Variants in CAMK1D observed in about 807,000 individuals in gnomAD.
CAMK1D encodes the protein calcium/calmodulin dependent protein kinase ID, also known as calcium/calmodulin-dependent protein kinase type 1D.
In CAMK1D, 9 loss-of-function variants were observed where a neutral mutation model predicts 47.7. That is an observed-to-expected ratio of 0.19 (90% CI 0.11 to 0.33). CAMK1D has a LOEUF of 0.33. Among genes scored for constraint, CAMK1D ranks in the 10% least tolerant of loss-of-function variants. The pLI is 1.00. For missense variants in CAMK1D, 291 were observed against 488.7 expected (o/e 0.60, Z 3.81); for synonymous variants, 184 against 184.9 (o/e 0.99, Z 0.04).
At chr10:12,460,676 C>T (rs1833396565) in intron 1 of CAMK1D, among the ~76,000 whole-genome samples, 1 of 152,176 alleles carries the variant, frequency 6.6e-6, no homozygotes, top group Admixed American at 6.6e-5. Context: ...GATCCACCCA[C>T]CTCGGCCTCC....
chr10:12,387,299 A>G (rs1375403380), intron 1 of CAMK1D, among the ~76,000 whole-genome samples: 1 of 144,588 alleles, frequency 6.9e-6, no homozygotes, highest in Non-Finnish European at 1.5e-5. Context: ...CTCACATTAT[A>G]TGTATAATAT....
At chr10:12,805,364 T>TTTC (rs1306620918) in intron 6 of CAMK1D, among the ~76,000 whole-genome samples, 1 of 130,122 alleles carries the variant, frequency 7.7e-6, no homozygotes, top group Non-Finnish European at 1.6e-5. Context: ...TATCTTTACA[T>TTTC]TTCTTTTTTT....
intron 2 of CAMK1D, among the ~76,000 whole-genome samples, chr10:12,565,005 T>G (rs1169567626): frequency 6.6e-6 from 1 of 152,174 alleles, no homozygotes; most frequent in East Asian, 1.9e-4. Context: ...GGCAAGGAGT[T>G]TAAGACCAGC....
intron 3 of CAMK1D, among the ~76,000 whole-genome samples, chr10:12,696,114 C>G (rs184555273): frequency 5.9e-5 from 9 of 151,900 alleles, no homozygotes; most frequent in Admixed American, 4.6e-4. Context: ...ATAAAATAAA[C>G]GAATATTATT....
Position 12,418,103 on chromosome 10 carries a change from G to A in CAMK1D, c.92+68193G>A, listed in dbSNP as rs377319944. Among the ~76,000 whole-genome samples the A allele has an allele frequency of 4.6e-5, 7 of 152,152 alleles. No homozygotes were observed. In the South Asian group the frequency reaches 6.2e-4, roughly 14 times the overall value. On this transcript the variant is annotated intron_variant, in intron 1 of 10. Transcript: ENST00000619168. ...AGAGTGAGCCACCACGCCTGGCCTC[G>A]ATGCTCTTTAAAAGAAGCCCTCGCC...
intron 1 of CAMK1D, among the ~76,000 whole-genome samples, chr10:12,420,186 C>G (rs1273509513): frequency 6.6e-5 from 10 of 152,308 alleles, no homozygotes; most frequent in Non-Finnish European, 1.5e-5. Context: ...TCTTGAACTC[C>G]TGACCTTGTG....
rs183591025 is a variant in CAMK1D, at chr10:12,726,592, G to A, written c.300-34356G>A. On this transcript the variant is annotated intron_variant, in intron 3 of 10. Coordinates refer to ENST00000619168, the MANE Select transcript of CAMK1D (RefSeq NM_153498.4). ...GAAGCCACGACCAGGACATGCCATCGTTGTTATTAGTAATTATTTTTATAC... is the reference window on the plus strand; with the variant it reads ...GAAGCCACGACCAGGACATGCCATCATTGTTATTAGTAATTATTTTTATAC... Among the ~76,000 whole-genome samples the A allele has an allele frequency of 1.2e-3, 178 of 152,264 alleles. 1 individual carries two copies. In the Middle Eastern group the frequency reaches 0.024, roughly 20 times the overall value.
At chr10:12,763,665 G>C (rs79754077) in intron 4 of CAMK1D, among the ~76,000 whole-genome samples, 3 of 152,124 alleles carry the variant, frequency 2.0e-5, no homozygotes, top group Non-Finnish European at 4.4e-5. Flanking sequence ...ATATCCATCC[G>C]CTGGGGGGCA....
chr10:12,608,687 T>C (rs1004705746), intron 2 of CAMK1D, among the ~76,000 whole-genome samples: 3 of 152,238 alleles, frequency 2.0e-5, no homozygotes, highest in African/African-American at 7.2e-5. Flanking sequence ...CAAGAACTTG[T>C]ATTGAATCTG....
chr10:12,552,421 C>G (rs971742999), intron 1 of CAMK1D, among the ~76,000 whole-genome samples: 5 of 152,206 alleles, frequency 3.3e-5, no homozygotes, highest in Admixed American at 2.0e-4. Context: ...CCAGTCCTAT[C>G]CTTACCCAGC....
chr10:12,443,178 G>A (rs372777556), intron 1 of CAMK1D, among the ~76,000 whole-genome samples: 74 of 152,164 alleles, frequency 4.9e-4, no homozygotes, highest in African/African-American at 1.6e-3. Flanking sequence ...AAACTGACTC[G>A]AGGAGGAAAG....
Position 12,785,802 on chromosome 10 carries a change from C to G in CAMK1D, c.566-5356C>G, listed in dbSNP as rs1217217804. Among the ~76,000 whole-genome samples the G allele has an allele frequency of 5.3e-5, 8 of 152,166 alleles. 1 individual carries two copies. In the South Asian group the frequency reaches 1.5e-3, roughly 28 times the overall value. On this transcript the variant is annotated intron_variant, in intron 5 of 10. Transcript: ENST00000619168. ...GAGTGAGAAGTGGACTCTCCCAGGG[C>G]TATGTACCTCACCACAGCTGAAACA...
At chr10:12,411,240 G>A (rs1839646021) in intron 1 of CAMK1D, among the ~76,000 whole-genome samples, 1 of 152,152 alleles carries the variant, frequency 6.6e-6, no homozygotes, top group Non-Finnish European at 1.5e-5. Flanking sequence ...ATAAGGCTTG[G>A]CAGAATGCGG....
intron 1 of CAMK1D, among the ~76,000 whole-genome samples, chr10:12,468,973 C>T (rs528956228): frequency 2.0e-5 from 3 of 152,202 alleles, no homozygotes; most frequent in South Asian, 2.1e-4. Flanking sequence ...ATCTCATCTG[C>T]CCTCAGCAGT....
chr10:12,664,192 A>G (rs887570703), intron 2 of CAMK1D, among the ~76,000 whole-genome samples: 2 of 152,210 alleles, frequency 1.3e-5, no homozygotes, highest in African/African-American at 4.8e-5. Flanking sequence ...CTCTGCCTAG[A>G]TGATAAGCTT....
chr10:12,363,669 T>G (rs1433469065), intron 1 of CAMK1D, among the ~76,000 whole-genome samples: 5 of 150,704 alleles, frequency 3.3e-5, no homozygotes, highest in African/African-American at 1.2e-4. Context: ...CCTAAGGTTT[T>G]TTTTTTTTTT....
intron 3 of CAMK1D, among the ~76,000 whole-genome samples, chr10:12,695,512 G>A (rs548493158): frequency 2.2e-4 from 33 of 152,272 alleles, no homozygotes; most frequent in Admixed American, 9.2e-4. Context: ...TAGAACAAGC[G>A]CATGATGATG....
At chr10:12,755,655 C>T (rs1387483306) in intron 3 of CAMK1D, among the ~76,000 whole-genome samples, 1 of 152,164 alleles carries the variant, frequency 6.6e-6, no homozygotes, top group Non-Finnish European at 1.5e-5. Flanking sequence ...ACATCCTCTC[C>T]AGCACCTGTT....
chr10:12,817,949 A>C (rs893289889), intron 8 of CAMK1D, among the ~76,000 whole-genome samples: 2 of 152,166 alleles, frequency 1.3e-5, no homozygotes, highest in African/African-American at 4.8e-5. Flanking sequence ...TCGGCCTCCC[A>C]AAGTGCTGGG....
Sources: gnomAD v4.1 joint callset for allele counts (sites outside exome capture counted in the v4.1 genomes callset) on GRCh38, gnomAD v4.1.1 for gene constraint, MANE v1.5 for transcripts, NCBI Gene and HGNC (gene_info 2026-07-23, HGNC 2026-07-21) for gene names.